Variants in IGSF22 observed in about 807,000 individuals in gnomAD.
The protein encoded by IGSF22 is immunoglobulin superfamily member 22, also known as immunoglobulin superfamily, member 22.
IGSF22 carries 119 observed loss-of-function variants against 127.0 expected under a neutral mutation model. The ratio of observed to expected loss-of-function variants is 0.94; its 90% CI spans 0.81 to 1.09. The LOEUF (loss-of-function observed/expected upper bound fraction) is 1.09. IGSF22 is among the 50% of genes least tolerant of loss of function. The pLI, the probability that IGSF22 is intolerant of heterozygous loss-of-function variation, is 0.00. For missense variants in IGSF22, 1,518 were observed against 1,716.6 expected, an observed-to-expected ratio of 0.88 and a Z score of 2.04; for synonymous variants, 568 against 664.7, an observed-to-expected ratio of 0.85 and a Z score of 2.24.
Position 18,721,552 on chromosome 11 carries a change from T to G in IGSF22, c.361A>C (p.Lys121Gln). The G allele has an allele frequency of 6.2e-7, 1 of 1,614,252 alleles. No individual in the cohort carries two copies. Among genetic ancestry groups the G allele is most frequent in the Non-Finnish European group, 8.5e-7 (1 of 1,180,038 alleles). ...CCCCGCACCTTCAGCACGTGTTCCT[T>G]GTTAATGCTGTCGTAGAATATCTTG... ...SAKIFYDSIN[K>Q]EHVLKLEPLT... is the part of the protein sequence containing the mutation. The change falls in exon 4 of 23, where the codon AAG (lysine) becomes CAG (glutamine). Residue 121 changes from lysine (K) to glutamine (Q), a missense_variant. Physicochemically the swap from Lys to Gln is moderately conservative, Grantham distance 53. Coordinates refer to ENST00000513874, the MANE Select transcript of IGSF22 (RefSeq NM_173588.4).
intron 1 of IGSF22, among the ~76,000 whole-genome samples, chr11:18,725,685 C>G (rs374509981): frequency 2.0e-5 from 3 of 152,164 alleles, no homozygotes; most frequent in East Asian, 3.9e-4. Context: ...CGTGATCCGC[C>G]CACCTCAGCC....
chr11:18,714,185 G>T (rs1289616477), intron 13 of IGSF22, 37 bp from the exon 14 acceptor site: 2 of 1,596,114 alleles, frequency 1.3e-6, no homozygotes, highest in Non-Finnish European at 8.5e-7. Context: ...TTGAGCATTG[G>T]CATGGAGGAG....
rs545139842 is a variant in IGSF22 at position 18,718,743 on chromosome 11, T to C, written c.697-15A>G. 4.6e-6 allele frequency: 7 copies of C among 1,527,682 alleles called. No individual in the cohort carries two copies. In the African/African-American group the frequency reaches 8.2e-5, roughly 18 times the overall value. 94.6% of individuals were successfully genotyped at this position (1,527,682 alleles called of 1,614,324 possible). On this transcript the variant is annotated splice_polypyrimidine_tract_variant and intron_variant, in intron 7 of 22. Coordinates refer to ENST00000513874, the MANE Select transcript of IGSF22 (RefSeq NM_173588.4). ...ATCCGGATGGCCTGAGAGATTATGATAATAAAATGACAAGTGTCAGTGGTA... is the reference window on the plus strand; with the variant it reads ...ATCCGGATGGCCTGAGAGATTATGACAATAAAATGACAAGTGTCAGTGGTA...
At chr11:18,710,953 T>A in intron 15 of IGSF22, 125 bp from the exon 16 acceptor site, 10 of 828,460 alleles carry the variant, frequency 1.2e-5, no homozygotes, top group Non-Finnish European at 1.9e-5. Context: ...TTCTTTTTCC[T>A]TTTTTAGAGA....
chr11:18,710,747 TGGG>T lies in IGSF22; in HGVS notation c.2477_2479del (p.Thr826_Gln827delinsLys), dbSNP rs1227969099. Reference sequence around the variant, plus strand: ...GCCGAGCACTGGGGCTCCCCCATCCTGGGTAGGGGCATTCCACGTGATGGTCAC... The same window carrying T: ...GCCGAGCACTGGGGCTCCCCCATCCTTAGGGGCATTCCACGTGATGGTCAC... On this transcript the variant is annotated inframe_deletion, in exon 16 of 23. Coordinates refer to ENST00000513874, the MANE Select transcript of IGSF22 (RefSeq NM_173588.4). 6.2e-7 allele frequency: 1 copy of T among 1,614,166 alleles called. No homozygotes were observed. The highest frequency in any genetic ancestry group is 8.5e-7 in the Non-Finnish European group (1 of 1,179,990).
Position 18,705,832 on chromosome 11 carries a change from T to G in IGSF22, c.3895A>C (p.Thr1299Pro). ...NELGKDRSSC[T>P]LTVYDKDDKS... ...GCGCCCTCACCATAGACGGTGAGCG[T>G]GCAGCTGCTGCGGTCCTTGCCCAGC... is the stretch of plus-strand genomic sequence containing the variant. Residue 1299 changes from threonine (T) to proline (P), a missense_variant, in exon 22 of 23, where the codon ACG (threonine) becomes CCG (proline). Coordinates refer to ENST00000513874, the MANE Select transcript of IGSF22 (RefSeq NM_173588.4). 4 of 1,547,570 alleles carry G rather than the reference T, an allele frequency of 2.6e-6. No homozygotes were observed. Among genetic ancestry groups the G allele is most frequent in the East Asian group, 4.9e-5 (2 of 40,886 alleles).
chr11:18,721,534 C>A lies in IGSF22; in HGVS notation c.378+1G>T, dbSNP rs768956131. 1.9e-6 allele frequency: 3 copies of A among 1,614,252 alleles called. No individual in the cohort carries two copies. In the South Asian group the frequency reaches 3.3e-5, roughly 18 times the overall value. On this transcript the variant is annotated splice_donor_variant, in intron 4 of 22. Transcript: ENST00000513874. LOFTEE classifies it high-confidence loss of function. Reference sequence around the variant, plus strand: ...ACTGGACTTGGGCTTGGCCCCCGCACCTTCAGCACGTGTTCCTTGTTAATG... The same window carrying A: ...ACTGGACTTGGGCTTGGCCCCCGCAACTTCAGCACGTGTTCCTTGTTAATG...
intron 19 of IGSF22, 45 bp from the exon 20 acceptor site, chr11:18,708,041 T>C: frequency 6.2e-7 from 1 of 1,606,402 alleles, no homozygotes; most frequent in Middle Eastern, 1.7e-4. Flanking sequence ...ACAGATGATA[T>C]TTGGGGGCAG....
At position 18,715,680 on chromosome 11, in the gene IGSF22, A is replaced by G. The variant is rs376619288; in HGVS notation, c.1283T>C (p.Val428Ala). Residue 428 changes from valine (V) to alanine (A), a missense_variant, in exon 11 of 23, where the codon GTA becomes GCA. This residue lies in a region of IGSF22 where 1,456 missense variants were observed against 1,644.9 expected (regional missense o/e 0.89). Coordinates refer to ENST00000513874, the MANE Select transcript of IGSF22 (RefSeq NM_173588.4). ...TGCGCGACTCCTCTCTTTCACACGT[A>G]CATTTTTGAGGTTGCTCACAAACTT... is the stretch of plus-strand genomic sequence containing the variant. ...PIKFVSNLKNVRVKERSRACL... is the reference protein window; with the variant it reads ...PIKFVSNLKNARVKERSRACL... 53 of 1,613,016 alleles carry G rather than the reference A, an allele frequency of 3.3e-5. No homozygotes were observed. The highest frequency in any genetic ancestry group is 4.3e-5 in the Non-Finnish European group (51 of 1,179,758).
chr11:18,711,974 C>T (rs7128042), intron 15 of IGSF22, 108 bp downstream of exon 15: 674,364 of 938,158 alleles, frequency 0.72, 244,128 homozygotes, highest in East Asian at 0.82. Flanking sequence ...ATGAGACAGC[C>T]AGAGAGATGT....
rs780325762 is a variant in IGSF22, at chr11:18,721,530, C to T, written c.378+5G>A. 3 of 1,614,110 alleles carry T rather than the reference C, an allele frequency of 1.9e-6. No individual in the cohort carries two copies. In the South Asian group the frequency reaches 3.3e-5, roughly 18 times the overall value. The stretch of plus-strand genomic sequence containing the variant: ...GGTAACTGGACTTGGGCTTGGCCCC[C>T]GCACCTTCAGCACGTGTTCCTTGTT... On this transcript the variant is annotated splice_donor_5th_base_variant and intron_variant, in intron 4 of 22. Transcript: ENST00000513874.
At position 18,707,005 on chromosome 11, in the gene IGSF22, C is replaced by CCTGCCT. The variant is rs772377225; in HGVS notation, c.3483_3488dup (p.Gly1162_Arg1163dup). The CCTGCCT allele has an allele frequency of 1.9e-5, 30 of 1,551,180 alleles. No homozygotes were observed. In the South Asian group the frequency reaches 3.6e-4, roughly 18 times the overall value. ...GAGCCACCACTCTGAAGTAGTACTT[C>CCTGCCT]CTGCCTGGGAGCAGCCCCGTCACTG... On this transcript the variant is annotated inframe_insertion, in exon 21 of 23. Transcript: ENST00000513874.
At chr11:18,721,721 C>G (rs1440192424) in intron 3 of IGSF22, 50 bp from the exon 4 acceptor site, 1 of 1,606,398 alleles carries the variant, frequency 6.2e-7, no homozygotes, top group South Asian at 1.1e-5. Flanking sequence ...CAGGCTAGAG[C>G]CTCTGCCACC....
At chr11:18,718,987 A>G (rs1848514072) in intron 7 of IGSF22, among the ~76,000 whole-genome samples, 1 of 152,232 alleles carries the variant, frequency 6.6e-6, no homozygotes, top group Non-Finnish European at 1.5e-5. Context: ...ATTCCAGTGT[A>G]GAGGCTTAAT....
At chr11:18,711,673 C>T (rs1247144529) in intron 15 of IGSF22, among the ~76,000 whole-genome samples, 1 of 152,224 alleles carries the variant, frequency 6.6e-6, no homozygotes, top group African/African-American at 2.4e-5. Flanking sequence ...GCTAGGATTA[C>T]AGGTGTGCGC....
chr11:18,715,856 T>C (rs1848454240), intron 10 of IGSF22, 140 bp from the exon 11 acceptor site: 8 of 958,614 alleles, frequency 8.3e-6, no homozygotes, highest in Non-Finnish European at 1.2e-5. Flanking sequence ...GTGTGTAATA[T>C]GTGACTCACA....
Position 18,712,304 on chromosome 11 carries a change from T to C in IGSF22, c.2176A>G (p.Lys726Glu), listed in dbSNP as rs1206074070. The change falls in exon 15 of 23, where the codon AAG becomes GAG. Residue 726 changes from lysine to glutamate, a missense_variant. Transcript: ENST00000513874. ...GTCACAGGTCGTCCACCATTGTCCT[T>C]TGGGGCCTTCCACTTCATGTGCACA... ...SCVHMKWKAP[K>E]DNGGRPVTQF... is the part of the protein sequence containing the mutation. 6.4e-7 allele frequency: 1 copy of C among 1,551,678 alleles called. No individual in the cohort carries two copies. Among genetic ancestry groups the C allele is most frequent in the African/African-American group, 1.4e-5 (1 of 73,154 alleles).
chr11:18,705,790 C>G, intron 22 of IGSF22, 27 bp downstream of exon 22: 1 of 1,516,140 alleles, frequency 6.6e-7, no homozygotes, highest in South Asian at 1.2e-5. Flanking sequence ...TCCCCCTCCT[C>G]GAGGCCGGAC....
chr11:18,720,345 TCAGATAA>T, intron 4 of IGSF22, 60 bp from the exon 5 acceptor site: 1 of 1,396,434 alleles, frequency 7.2e-7, no homozygotes, highest in Non-Finnish European at 1.0e-6. Context: ...AGACTTTCTG[TCAGATAA>T]GGTAGGAGGC....
Sources: gnomAD v4.1 joint callset for allele counts (sites outside exome capture counted in the v4.1 genomes callset) on GRCh38, gnomAD v4.1.1 for gene constraint, gnomAD v4.1.1 regional missense constraint, MANE v1.5 for transcripts, NCBI Gene and HGNC (gene_info 2026-07-23, HGNC 2026-07-21) for gene names.